The following LSP1 variants were observed in gnomAD, a reference collection of about 807,000 sequenced individuals.
LSP1 encodes the protein lymphocyte-specific protein 1.
In LSP1, 32 loss-of-function variants were observed where a neutral mutation model predicts 49.3. The ratio of observed to expected loss-of-function variants is 0.65; its 90% CI spans 0.49 to 0.87. The LOEUF is 0.87. Among genes scored for constraint, LSP1 ranks in the 40% least tolerant of loss-of-function variants. The probability of loss-of-function intolerance (pLI) is 0.00; values close to 1 mark genes in which losing one functional copy is unlikely to be tolerated. For synonymous variants in LSP1, 179 were observed against 178.8 expected (o/e 1.00, Z -0.01); for missense variants, 428 against 442.6 (o/e 0.97, Z 0.30).
At chr11:1,890,859 C>T in intron 10 of LSP1, 1 of 495,896 alleles carries the variant, frequency 2.0e-6, no homozygotes, top group African/African-American at 1.9e-5. Flanking sequence ...GCCTCCAGGG[C>T]TCTGTCCTCC....
In LSP1 at chr11:1,880,152, G is replaced by A; in HGVS notation, c.119G>A (p.Arg40Lys). Residue 40 changes from arginine (R) to lysine (K), a missense_variant, in exon 2 of 11, where the codon AGA (arginine) becomes AAA (lysine). Coordinates refer to ENST00000311604, the MANE Select transcript of LSP1 (RefSeq NM_002339.3). The stretch of plus-strand genomic sequence containing the variant: ...GTCCACGAGCAATGCCAGCATGAGA[G>A]AGACAGGCAGCTTCAGGCCCAGGAC... The part of the protein sequence containing the change: ...EAVHEQCQHE[R>K]DRQLQAQDEE... 6.2e-7 allele frequency: 1 copy of A among 1,607,668 alleles called. No homozygotes were observed. The highest frequency in any genetic ancestry group is 8.5e-7 in the Non-Finnish European group (1 of 1,176,476).
intron 1 of LSP1, among the ~76,000 whole-genome samples, chr11:1,862,244 T>A (rs1847661619): frequency 6.6e-6 from 1 of 151,854 alleles, no homozygotes; most frequent in Non-Finnish European, 1.5e-5. Context: ...AACAGTGGAG[T>A]TGACATCAAA....
intron 1 of LSP1, among the ~76,000 whole-genome samples, chr11:1,867,130 G>T (rs910362745): frequency 6.6e-6 from 1 of 152,164 alleles, no homozygotes; most frequent in African/African-American, 2.4e-5. Flanking sequence ...CCTCACTTGC[G>T]GTGGTCAGCC....
intron 1 of LSP1, chr11:1,864,352 G>A (rs1018067555): frequency 4.3e-5 from 26 of 607,756 alleles, no homozygotes; most frequent in African/African-American, 8.0e-5. Flanking sequence ...GGTGGGAGGC[G>A]GCGATGGGCA....
At chr11:1,872,233 G>C (rs1848058344) in intron 1 of LSP1, among the ~76,000 whole-genome samples, 1 of 138,086 alleles carries the variant, frequency 7.2e-6, no homozygotes. Flanking sequence ...GCAGGCCTGG[G>C]CTGTAGTCAC....
At chr11:1,888,274 G>A (rs1848839179) in intron 10 of LSP1, among the ~76,000 whole-genome samples, 1 of 152,148 alleles carries the variant, frequency 6.6e-6, no homozygotes, top group Admixed American at 6.5e-5. Flanking sequence ...ACCAGAGCCT[G>A]GCTGACTGCT....
chr11:1,853,101 T>C lies in LSP1; in HGVS notation c.-44T>C, dbSNP rs1302421684. The stretch of plus-strand genomic sequence containing the variant: ...TGAAAGCCACAGCACGTACACCCAC[T>C]CCAGGGATCTGCCAGCACCCTGTGG... On this transcript the variant is annotated 5_prime_UTR_variant, in exon 1 of 11. Transcript: ENST00000311604. 1 of 1,589,684 alleles carries C rather than the reference T, an allele frequency of 6.3e-7. No homozygotes were observed. Among genetic ancestry groups the C allele is most frequent in the Non-Finnish European group, 8.6e-7 (1 of 1,168,076 alleles).
At chr11:1,885,033 C>T (rs566998315) in intron 7 of LSP1, among the ~76,000 whole-genome samples, 1 of 152,016 alleles carries the variant, frequency 6.6e-6, no homozygotes, top group Non-Finnish European at 1.5e-5. Flanking sequence ...CCCCTTTATC[C>T]AACCAGTACT....
At chr11:1,871,497 G>C in intron 1 of LSP1, 1 of 985,214 alleles carries the variant, frequency 1.0e-6, no homozygotes, top group Non-Finnish European at 1.2e-6. Flanking sequence ...GACGGTCCCT[G>C]ACCCAGCCTC....
At chr11:1,886,526 A>T (rs546620464) in intron 7 of LSP1, among the ~76,000 whole-genome samples, 2 of 152,350 alleles carry the variant, frequency 1.3e-5, no homozygotes, top group South Asian at 4.1e-4. Flanking sequence ...CATCTCCCTG[A>T]TGCTCTTCAG....
In LSP1 at chr11:1,887,276, G is replaced by A. The variant is rs767954738; in HGVS notation, c.892G>A (p.Glu298Lys). The change falls in exon 9 of 11, where the codon GAG (glutamate) becomes AAG (lysine). Residue 298 changes from glutamate (E) to lysine (K), a missense_variant. Physicochemically the swap from Glu to Lys is moderately conservative, Grantham distance 56. Transcript: ENST00000311604. ...AGACATGAGCAAGAAAAGCCTCTGG[G>A]AGCAGAAGGGAGGCTCCAAGACCTC... ...AGDMSKKSLW[E>K]QKGGSKTSST... 4.1e-5 allele frequency: 66 copies of A among 1,596,986 alleles called. No homozygotes were observed. Among genetic ancestry groups the A allele is most frequent in the Non-Finnish European group, 5.5e-5 (64 of 1,170,808 alleles).
At chr11:1,889,899 C>G in intron 10 of LSP1, 1 of 626,880 alleles carries the variant, frequency 1.6e-6, no homozygotes, top group Non-Finnish European at 2.9e-6. Flanking sequence ...GGGCAGTGGG[C>G]GGATGTGAGC....
chr11:1,866,983 G>A, intron 1 of LSP1: 1 of 1,395,132 alleles, frequency 7.2e-7, no homozygotes, highest in South Asian at 1.5e-5. Flanking sequence ...TGTGGACCTG[G>A]GGAGGAGACA....
Position 1,881,524 on chromosome 11 carries a change from A to G in LSP1, c.284A>G (p.Glu95Gly), listed in dbSNP as rs1186423669. The part of the protein sequence containing the change: ...SQRPEQRQQH[E>G]GAQGALDSGE... ...AGGCCAGAGCAGCGGCAGCAGCACG[A>G]GGGGGCGCAGGGCGCCTTGGACAGC... Residue 95 changes from glutamate (E) to glycine (G), a missense_variant, in exon 3 of 11, where the codon GAG becomes GGG. Glu to Gly is a moderately conservative substitution (Grantham distance 98, BLOSUM62 -2). Coordinates refer to ENST00000311604, the MANE Select transcript of LSP1 (RefSeq NM_002339.3). The G allele has an allele frequency of 6.4e-7, 1 of 1,557,390 alleles. No homozygotes were observed. Among genetic ancestry groups the G allele is most frequent in the Non-Finnish European group, 8.7e-7 (1 of 1,150,392 alleles).
At position 1,880,109 on chromosome 11, in the gene LSP1, G is replaced by C; in HGVS notation, c.76G>C (p.Glu26Gln). Residue 26 changes from glutamate (E) to glutamine (Q), a missense_variant, in exon 2 of 11, where the codon GAG becomes CAG. Glu to Gln is a conservative substitution (Grantham distance 29, BLOSUM62 2). Transcript: ENST00000311604. Reference sequence around the variant, plus strand: ...TAGGCCCACTGCTCAGTGGAGCGTGGAGGACGAGGAGGAGGCCGTCCACGA... The same window carrying C: ...TAGGCCCACTGCTCAGTGGAGCGTGCAGGACGAGGAGGAGGCCGTCCACGA... ...LLGPTAQWSV[E>Q]DEEEAVHEQC... The C allele has an allele frequency of 6.2e-7, 1 of 1,609,192 alleles. No homozygotes were observed. Among genetic ancestry groups the C allele is most frequent in the Non-Finnish European group, 8.5e-7 (1 of 1,177,462 alleles).
chr11:1,890,077 C>T, intron 10 of LSP1: 2 of 714,728 alleles, frequency 2.8e-6, no homozygotes, highest in South Asian at 1.5e-5. Flanking sequence ...CCCCCAGAGA[C>T]AGGGACGAAG....
At chr11:1,888,410 C>T (rs966429050) in intron 10 of LSP1, among the ~76,000 whole-genome samples, 1 of 152,190 alleles carries the variant, frequency 6.6e-6, no homozygotes, top group Non-Finnish European at 1.5e-5. Context: ...CTGGGCATGG[C>T]CAGTGCTGAG....
In LSP1 at chr11:1,867,375, A is replaced by G. The variant is rs371857061; in HGVS notation, c.54-12712A>G. On this transcript the variant is annotated intron_variant, in intron 1 of 10. Coordinates refer to ENST00000311604, the MANE Select transcript of LSP1 (RefSeq NM_002339.3). ...CCCACACACACACATGCACACACACACGACCACCCGGGACAGTACTGCGCT... is the reference window on the plus strand; with the variant it reads ...CCCACACACACACATGCACACACACGCGACCACCCGGGACAGTACTGCGCT... 5.0e-4 allele frequency among the ~76,000 whole-genome samples: 62 copies of G among 124,536 alleles called. 1 individual carries two copies. The South Asian group carries it at 0.017, about 34-fold the overall frequency. 81.7% of individuals were successfully genotyped at this position (124,536 alleles called of 152,430 possible).
intron 1 of LSP1, among the ~76,000 whole-genome samples, chr11:1,874,478 C>A (rs4980386): frequency 0.36 from 55,062 of 151,902 alleles, 11,253 homozygotes; most frequent in East Asian, 0.72. Context: ...CAGGGCTGTT[C>A]AGGGTGGGGT....
Sources: allele counts gnomAD v4.1 joint callset (sites outside exome capture counted in the v4.1 genomes callset), GRCh38; gene constraint gnomAD v4.1.1; transcripts MANE v1.5; gene names NCBI Gene and HGNC (gene_info 2026-07-23, HGNC 2026-07-21).